The following COA1 variants were observed in gnomAD, a reference collection of about 807,000 sequenced individuals.
COA1 encodes cytochrome c oxidase assembly factor 1 homolog.
Under a neutral mutation model 16.0 loss-of-function variants are expected in COA1, and 13 were observed. That is an observed-to-expected ratio of 0.81 (90% CI 0.53 to 1.29). COA1 has a LOEUF of 1.29. Ranked by LOEUF, COA1 falls within the 50% of genes most tolerant of loss-of-function variation. The probability of loss-of-function intolerance (pLI) is 0.00; values close to 1 mark genes in which losing one functional copy is unlikely to be tolerated. For synonymous variants in COA1, 65 were observed against 65.7 expected (o/e 0.99, Z 0.05); for missense variants, 179 against 177.0 (o/e 1.01, Z -0.06).
At chr7:43,719,550 T>C (rs1428391237) in intron 1 of COA1, among the ~76,000 whole-genome samples, 1 of 152,228 alleles carries the variant, frequency 6.6e-6, no homozygotes, top group Non-Finnish European at 1.5e-5. Flanking sequence ...ACTAACAGTA[T>C]TACAGGTAAT....
intron 1 of COA1, among the ~76,000 whole-genome samples, chr7:43,696,499 A>G (rs1423744042): frequency 6.6e-6 from 1 of 152,212 alleles, no homozygotes; most frequent in Non-Finnish European, 1.5e-5. Flanking sequence ...TGTATAAACT[A>G]TAATAGAAGC....
rs773698431 is a variant in COA1, at chr7:43,640,613, G to C, written c.301C>G (p.Leu101Val). The change falls in exon 5 of 6, where the codon CTT becomes GTT. Residue 101 changes from leucine (L) to valine (V), a missense_variant. Transcript: ENST00000223336. ...CCTCTGGATGAGTGGACGTAGAGAA[G>C]GCCCTCTGATTTGGATCCAGAGACA... ...IPVSGSKSEG[L>V]LYVHSSRGGP... 3 of 1,608,498 alleles carry C rather than the reference G, an allele frequency of 1.9e-6. No homozygotes were observed. In the South Asian group the frequency reaches 3.3e-5, roughly 18 times the overall value.
In COA1 at chr7:43,611,971, T is replaced by C. The variant is rs985531005; in HGVS notation, c.*134-2476A>G. Among the ~76,000 whole-genome samples, 8 of 152,256 alleles carry C rather than the reference T, an allele frequency of 5.3e-5. No homozygotes were observed. The South Asian group carries it at 1.2e-3, about 24-fold the overall frequency. On this transcript the variant is annotated intron_variant and NMD_transcript_variant, in intron 6 of 6. Coordinates refer to the COA1 transcript ENST00000415076. ...ATGTGTCATGGATCTTTGATGTTACTTGAGAGCATCAAAGGTGAATATTAA... is the reference window on the plus strand; with the variant it reads ...ATGTGTCATGGATCTTTGATGTTACCTGAGAGCATCAAAGGTGAATATTAA...
At chr7:43,725,225 C>A (rs988825299) in intron 1 of COA1, among the ~76,000 whole-genome samples, 1 of 147,342 alleles carries the variant, frequency 6.8e-6, no homozygotes, top group Non-Finnish European at 1.5e-5. Flanking sequence ...GCAACATGAA[C>A]GAAACTCCAT....
At chr7:43,692,284 C>T (rs1024362864) in intron 1 of COA1, among the ~76,000 whole-genome samples, 9 of 152,106 alleles carry the variant, frequency 5.9e-5, no homozygotes, top group African/African-American at 2.2e-4. Context: ...TCTAAGAGGC[C>T]GAGGCAGGCA....
chr7:43,645,163 T>G (rs1161000108), intron 4 of COA1, 88 bp downstream of exon 4: 3 of 1,314,042 alleles, frequency 2.3e-6, no homozygotes, highest in Non-Finnish European at 3.1e-6. Flanking sequence ...CCATCCCAAA[T>G]CCTTAACTCC....
At chr7:43,673,241 T>C (rs998090461) in intron 1 of COA1, among the ~76,000 whole-genome samples, 8 of 151,908 alleles carry the variant, frequency 5.3e-5, no homozygotes, top group Non-Finnish European at 8.8e-5. Flanking sequence ...CAGAAGAAAA[T>C]ATGTGCAAAT....
chr7:43,715,936 T>G (rs997601321), intron 1 of COA1, among the ~76,000 whole-genome samples: 3 of 152,060 alleles, frequency 2.0e-5, no homozygotes, highest in African/African-American at 7.2e-5. Context: ...TTATCAGGGG[T>G]TTCCGCTTTT....
chr7:43,705,725 C>T lies in COA1; in HGVS notation c.-39+23704G>A, dbSNP rs929223114. ...CTGGGCTCCATGCAGGCTAGAGTTC[C>T]ATCTCTGTCAACTCTCCAGGAAGTT... On this transcript the variant is annotated intron_variant, in intron 1 of 5. Coordinates refer to ENST00000223336, the MANE Select transcript of COA1 (RefSeq NM_018224.4). Among the ~76,000 whole-genome samples the T allele has an allele frequency of 5.9e-5, 9 of 152,326 alleles. No homozygotes were observed. In the East Asian group the frequency reaches 1.2e-3, roughly 20 times the overall value.
chr7:43,723,961 G>A (rs1023176822), intron 1 of COA1, among the ~76,000 whole-genome samples: 18 of 152,024 alleles, frequency 1.2e-4, no homozygotes, highest in African/African-American at 4.1e-4. Context: ...GGATCATAGA[G>A]ATGTTTACAA....
At chr7:43,665,283 C>T (rs1056355584) in intron 1 of COA1, among the ~76,000 whole-genome samples, 18 of 152,172 alleles carry the variant, frequency 1.2e-4, no homozygotes, top group Admixed American at 9.2e-4. Flanking sequence ...TACTGCTCAA[C>T]ATCCCAAATT....
At chr7:43,646,343 T>G (rs1417161389) in intron 3 of COA1, 1 of 337,202 alleles carries the variant, frequency 3.0e-6, no homozygotes, top group Non-Finnish European at 6.0e-6. Flanking sequence ...CTAGGCACTG[T>G]TCTCAATATT....
At chr7:43,640,450 A>G in intron 5 of COA1, 123 bp downstream of exon 5, 1 of 773,352 alleles carries the variant, frequency 1.3e-6, no homozygotes. Flanking sequence ...TTCAGCTTCA[A>G]GCTTGAAAAA....
At chr7:43,702,468 A>C (rs1236776309) in intron 1 of COA1, among the ~76,000 whole-genome samples, 2 of 152,064 alleles carry the variant, frequency 1.3e-5, no homozygotes, top group African/African-American at 4.8e-5. Flanking sequence ...CTGTCTTTCT[A>C]CTGGTACTAT....
At chr7:43,620,225 T>TC (rs2083734950) in intron 6 of COA1, among the ~76,000 whole-genome samples, 1 of 152,156 alleles carries the variant, frequency 6.6e-6, no homozygotes. Flanking sequence ...ATGATGATAC[T>TC]CCATGGGTGT....
chr7:43,646,310 TC>T, intron 3 of COA1: 2 of 310,428 alleles, frequency 6.4e-6, no homozygotes, highest in South Asian at 2.6e-5. Context: ...AGACAGCTAA[TC>T]TTTATTGAGT....
intron 1 of COA1, among the ~76,000 whole-genome samples, chr7:43,690,442 C>T (rs36108000): frequency 0.14 from 21,852 of 151,400 alleles, 2,081 homozygotes; most frequent in Non-Finnish European, 0.21. Context: ...CACACACACA[C>T]ATATATACAC....
At chr7:43,649,870 A>C (rs1023155704) in intron 1 of COA1, 2 of 121,552 alleles carry the variant, frequency 1.6e-5, no homozygotes, top group African/African-American at 7.1e-5. Flanking sequence ...TAGTGCAACC[A>C]GACATATGCA....
At chr7:43,713,998 T>C (rs2095325810) in intron 1 of COA1, among the ~76,000 whole-genome samples, 1 of 151,862 alleles carries the variant, frequency 6.6e-6, no homozygotes, top group Admixed American at 6.6e-5. Flanking sequence ...ATCACACCAC[T>C]GCACTCTGTT....
Sources: gnomAD v4.1 joint callset for allele counts (sites outside exome capture counted in the v4.1 genomes callset) on GRCh38, gnomAD v4.1.1 for gene constraint, MANE v1.5 for transcripts, NCBI Gene and HGNC (gene_info 2026-07-23, HGNC 2026-07-21) for gene names.